HDAC9: variants seen among roughly 807,000 people sequenced by gnomAD.
HDAC9 encodes MEF-2 interacting transcription repressor (MITR) protein.
Under a neutral mutation model 139.4 loss-of-function variants are expected in HDAC9, and 41 were observed. The ratio of observed to expected loss-of-function variants is 0.29; its 90% CI spans 0.23 to 0.38. The LOEUF (loss-of-function observed/expected upper bound fraction) is 0.38, where lower values mean the gene tolerates loss of function less well. HDAC9 is among the 10% of genes least tolerant of loss of function. The pLI is 1.00. For synonymous variants in HDAC9, 517 were observed against 476.2 expected, an observed-to-expected ratio of 1.09 and a Z score of -1.12; for missense variants, 1,147 against 1,297.0, an observed-to-expected ratio of 0.88 and a Z score of 1.78.
chr7:18,347,413 T>A (rs1782500596), intron 1 of HDAC9, among the ~76,000 whole-genome samples: 2 of 152,130 alleles, frequency 1.3e-5, no homozygotes, highest in African/African-American at 2.4e-5. Flanking sequence ...AATGAGTCCA[T>A]GCAGAAAGTT....
intron 2 of HDAC9, among the ~76,000 whole-genome samples, chr7:18,547,854 T>A (rs1563229891): frequency 5.4e-5 from 7 of 129,418 alleles, no homozygotes; most frequent in Non-Finnish European, 9.7e-5. Flanking sequence ...CTTCCTTCCT[T>A]CCTACCCTCC....
chr7:18,749,409 T>A (rs764174865), intron 14 of HDAC9, among the ~76,000 whole-genome samples: 4 of 152,334 alleles, frequency 2.6e-5, no homozygotes, highest in Non-Finnish European at 5.9e-5. Flanking sequence ...TAGCACTGTT[T>A]GTAAACAGAC....
At chr7:18,194,767 T>G (rs1345649112) in intron 2 of HDAC9, among the ~76,000 whole-genome samples, 1 of 152,230 alleles carries the variant, frequency 6.6e-6, no homozygotes, top group Non-Finnish European at 1.5e-5. Context: ...TTTTGTTTAG[T>G]CTTTATAGTT....
At chr7:18,235,351 GT>G (rs1793746782) in intron 2 of HDAC9, among the ~76,000 whole-genome samples, 1 of 151,964 alleles carries the variant, frequency 6.6e-6, no homozygotes, top group African/African-American at 2.4e-5. Context: ...TCTGGTAAAT[GT>G]TTTAACAACG....
chr7:18,774,445 C>T (rs1790582935), intron 16 of HDAC9, among the ~76,000 whole-genome samples: 1 of 151,968 alleles, frequency 6.6e-6, no homozygotes, highest in African/African-American at 2.4e-5. Context: ...CACAGTAAAG[C>T]AAATAGCACA....
At chr7:18,120,625 CAG>C (rs1397518271) in intron 1 of HDAC9, among the ~76,000 whole-genome samples, 2 of 151,792 alleles carry the variant, frequency 1.3e-5, no homozygotes, top group African/African-American at 4.8e-5. Flanking sequence ...GGAGAAAAGA[CAG>C]GGGGTTTGGA....
chr7:18,668,579 C>G, intron 12 of HDAC9: 2 of 976,826 alleles, frequency 2.0e-6, no homozygotes, highest in Non-Finnish European at 2.4e-6. Context: ...TTCATCAGTA[C>G]AGTTGGTGGA....
At chr7:18,290,632 C>G (rs1351880090) in intron 1 of HDAC9, 1 of 423,304 alleles carries the variant, frequency 2.4e-6, no homozygotes, top group African/African-American at 2.1e-5. Context: ...GAAAGATAAA[C>G]TTGTCATGCG....
chr7:18,301,346 C>T (rs895857230), intron 1 of HDAC9, among the ~76,000 whole-genome samples: 1 of 152,058 alleles, frequency 6.6e-6, no homozygotes, highest in African/African-American at 2.4e-5. Flanking sequence ...GTTGAAGTTG[C>T]ATTTTATGAT....
At chr7:18,889,933 G>A (rs13239610) in intron 22 of HDAC9, among the ~76,000 whole-genome samples, 31,346 of 152,142 alleles carry the variant, frequency 0.21, 3,544 homozygotes, top group South Asian at 0.32. Flanking sequence ...TTGAACTCCT[G>A]TGCTCAAGTG....
intron 1 of HDAC9, among the ~76,000 whole-genome samples, chr7:18,419,382 G>A (rs1041378970): frequency 1.3e-5 from 2 of 152,288 alleles, no homozygotes; most frequent in Admixed American, 1.3e-4. Flanking sequence ...GAGGCTTAAA[G>A]AGTTAAGTAA....
intron 22 of HDAC9, among the ~76,000 whole-genome samples, chr7:18,932,788 A>G (rs1362287774): frequency 6.7e-6 from 1 of 150,102 alleles, no homozygotes; most frequent in Non-Finnish European, 1.5e-5. Context: ...AACGTAAGAG[A>G]GAAAGAGAAA....
chr7:18,344,953 G>T (rs1466650503), intron 1 of HDAC9, among the ~76,000 whole-genome samples: 3 of 152,074 alleles, frequency 2.0e-5, no homozygotes, highest in South Asian at 4.1e-4. Flanking sequence ...TAATCAGTCA[G>T]GTCATTCCAC....
intron 16 of HDAC9, among the ~76,000 whole-genome samples, chr7:18,785,399 C>T (rs1791627266): frequency 6.6e-6 from 1 of 151,836 alleles, no homozygotes; most frequent in South Asian, 2.1e-4. Flanking sequence ...GCCAGTAGCA[C>T]ACCTCCCTTA....
At chr7:18,966,459 TTGTGAGGCCG>T (rs1783855660) in intron 24 of HDAC9, among the ~76,000 whole-genome samples, 1 of 152,028 alleles carries the variant, frequency 6.6e-6, no homozygotes, top group Non-Finnish European at 1.5e-5. Context: ...TCCTAGCACT[TTGTGAGGCCG>T]TGGCAGGCAG....
At chr7:18,642,093 C>T (rs192260202) in intron 8 of HDAC9, among the ~76,000 whole-genome samples, 8 of 152,118 alleles carry the variant, frequency 5.3e-5, no homozygotes, top group East Asian at 1.9e-4. Flanking sequence ...AGCAATGTCC[C>T]GGTCTGTAAA....
intron 24 of HDAC9, among the ~76,000 whole-genome samples, chr7:18,965,463 T>C (rs1783782941): frequency 1.3e-5 from 2 of 152,204 alleles, no homozygotes; most frequent in African/African-American, 4.8e-5. Context: ...ATTATCTTGG[T>C]TTGGCTTCTA....
At chr7:18,297,697 G>A (rs1798245073) in intron 1 of HDAC9, among the ~76,000 whole-genome samples, 1 of 152,134 alleles carries the variant, frequency 6.6e-6, no homozygotes. Flanking sequence ...CTGATCCAAA[G>A]GAGTTTAGTC....
chr7:18,177,629 A>G (rs1789028111), intron 2 of HDAC9, among the ~76,000 whole-genome samples: 1 of 152,136 alleles, frequency 6.6e-6, no homozygotes, highest in Non-Finnish European at 1.5e-5. Flanking sequence ...TTCCTGGGTG[A>G]CGCTGACATT....
Sources: gnomAD v4.1 joint callset for allele counts (sites outside exome capture counted in the v4.1 genomes callset) on GRCh38, gnomAD v4.1.1 for gene constraint, MANE v1.5 for transcripts, NCBI Gene and HGNC (gene_info 2026-07-23, HGNC 2026-07-21) for gene names.